JAZF1: variants seen among roughly 807,000 people sequenced by gnomAD.
JAZF1 encodes JAZF zinc finger 1, also known as juxtaposed with another zinc finger protein 1.
Under a neutral mutation model 26.4 loss-of-function variants are expected in JAZF1, and 8 were observed. That is an observed-to-expected ratio of 0.30 (90% confidence interval 0.18 to 0.55). The LOEUF is 0.55. JAZF1 is among the 20% of genes least tolerant of loss of function. JAZF1 has a pLI of 0.94. For missense variants in JAZF1, 199 were observed against 322.0 expected (o/e 0.62, Z 2.92); for synonymous variants, 126 against 122.3 (o/e 1.03, Z -0.20).
intron 2 of JAZF1, among the ~76,000 whole-genome samples, chr7:27,924,186 C>T (rs944852151): frequency 6.6e-6 from 1 of 152,184 alleles, no homozygotes. Context: ...TCAAGCAATT[C>T]TCTGCTTCAG....
chr7:27,900,141 T>C (rs552118047), intron 2 of JAZF1, among the ~76,000 whole-genome samples: 1 of 152,316 alleles, frequency 6.6e-6, no homozygotes, highest in South Asian at 2.1e-4. Flanking sequence ...CCTCCCAGAA[T>C]TCTCTCTGCT....
At position 27,991,896 on chromosome 7, in the gene JAZF1, G is replaced by A; in HGVS notation, c.188+13C>T. The A allele has an allele frequency of 1.3e-6, 2 of 1,484,116 alleles. No individual in the cohort carries two copies. The highest frequency in any genetic ancestry group is 1.4e-5 in the African/African-American group (1 of 71,396). 91.9% of individuals were successfully genotyped at this position (1,484,116 alleles called of 1,614,324 possible). A position where few individuals can be genotyped will look rare whatever the true frequency, so the allele number is the denominator to read the frequency against. On this transcript the variant is annotated intron_variant, in intron 2 of 4. Transcript: ENST00000283928. ...ATATAAGGTTGTTATAATAAATTCT[G>A]AAAATGGCTTACCTATTTATGTAAC...
intron 1 of JAZF1, among the ~76,000 whole-genome samples, chr7:28,179,431 C>A (rs959023706): frequency 2.4e-4 from 37 of 152,234 alleles, no homozygotes; most frequent in African/African-American, 8.7e-4. Flanking sequence ...CCCTCCCCGG[C>A]GTCTCCCGGG....
At chr7:28,059,273 G>A (rs1783762195) in intron 1 of JAZF1, among the ~76,000 whole-genome samples, 1 of 152,120 alleles carries the variant, frequency 6.6e-6, no homozygotes, top group African/African-American at 2.4e-5. Context: ...GTGTTGTGAA[G>A]ATGATTCTTG....
At chr7:28,118,982 CA>C (rs999367051) in intron 1 of JAZF1, among the ~76,000 whole-genome samples, 1 of 152,174 alleles carries the variant, frequency 6.6e-6, no homozygotes, top group Non-Finnish European at 1.5e-5. Context: ...GGGAAGAGAG[CA>C]GGGAGAATCC....
intron 1 of JAZF1, among the ~76,000 whole-genome samples, chr7:28,037,402 C>A (rs554856947): frequency 6.6e-6 from 1 of 152,242 alleles, no homozygotes; most frequent in African/African-American, 2.4e-5. Context: ...GTTTAGCAGG[C>A]CCCATTTTAA....
At chr7:28,110,497 GGAAAGGAAAAGGAAAGGAAAAGGA>G (rs1784631485) in intron 1 of JAZF1, among the ~76,000 whole-genome samples, 1 of 28,628 alleles carries the variant, frequency 3.5e-5, no homozygotes, top group Non-Finnish European at 8.4e-5. Context: ...GGAAAGGAAA[GGAAAGGAAAAGGAAAGGAAAAGGA>G]AAAGGAAAAG....
Position 27,832,660 on chromosome 7 carries a change from A to G in JAZF1, c.*140T>C. ...AACTCTACAAAGATACATCATTCCA[A>G]AATTACAGAAAAAATTTAAAGCATG... On this transcript the variant is annotated 3_prime_UTR_variant, in exon 5 of 5. Transcript: ENST00000283928. 1 of 645,506 alleles carries G rather than the reference A, an allele frequency of 1.5e-6. No homozygotes were observed. The highest frequency in any genetic ancestry group is 2.5e-6 in the Non-Finnish European group (1 of 399,220). The allele number at this position is 645,506 out of a possible 1,614,324, so 40.0% of individuals were successfully genotyped here.
At chr7:27,950,895 C>T (rs1784998132) in intron 2 of JAZF1, among the ~76,000 whole-genome samples, 2 of 151,920 alleles carry the variant, frequency 1.3e-5, no homozygotes, top group Admixed American at 6.6e-5. Flanking sequence ...ACAGATGGCT[C>T]GAACAACCTG....
chr7:27,905,876 A>T (rs2128344005), intron 2 of JAZF1, among the ~76,000 whole-genome samples: 1 of 152,304 alleles, frequency 6.6e-6, no homozygotes, highest in African/African-American at 2.4e-5. Context: ...CATAGGAAAA[A>T]TCTACTTAAA....
In JAZF1 at chr7:28,000,365, C is replaced by T. The variant is rs1053501168; in HGVS notation, c.116-8384G>A. 2.6e-5 allele frequency among the ~76,000 whole-genome samples: 4 copies of T among 152,172 alleles called. No individual in the cohort carries two copies. The East Asian group carries it at 7.7e-4, about 29-fold the overall frequency. On this transcript the variant is annotated intron_variant, in intron 1 of 4. Coordinates refer to ENST00000283928, the MANE Select transcript of JAZF1 (RefSeq NM_175061.4). ...CCCTACATACGCACGCAGAGTAGCG[C>T]CTACAACAAAGAGTCATCTGGTCTA...
chr7:27,880,075 T>C (rs982429784), intron 3 of JAZF1, among the ~76,000 whole-genome samples: 4 of 152,224 alleles, frequency 2.6e-5, no homozygotes. Context: ...CAAGTTTATA[T>C]ATAGCATAAT....
At position 28,160,217 on chromosome 7, in the gene JAZF1, G is replaced by A. The variant is rs80203717; in HGVS notation, c.115+20246C>T. 0.012 allele frequency among the ~76,000 whole-genome samples: 1,869 copies of A among 152,142 alleles called. 121 individuals are homozygous for A. The East Asian group carries it at 0.21, about 17-fold the overall frequency. On this transcript the variant is annotated intron_variant, in intron 1 of 4. Transcript: ENST00000283928. ...AATGTCAAAAAAGGCTCCAGGATAT[G>A]GGGGTACATAGTGAAAAAAGAGTTG... is the stretch of plus-strand genomic sequence containing the variant.
At chr7:27,857,806 G>A (rs564408928) in intron 3 of JAZF1, among the ~76,000 whole-genome samples, 5 of 152,274 alleles carry the variant, frequency 3.3e-5, no homozygotes, top group African/African-American at 1.2e-4. Context: ...GGCAAAAGCT[G>A]GAAGAATTCC....
chr7:28,072,334 T>C (rs1783990716), intron 1 of JAZF1, among the ~76,000 whole-genome samples: 2 of 152,214 alleles, frequency 1.3e-5, no homozygotes, highest in Admixed American at 1.3e-4. Flanking sequence ...CAGCATGTAA[T>C]AAATAATTAA....
intron 1 of JAZF1, among the ~76,000 whole-genome samples, chr7:28,036,829 T>C (rs1783302437): frequency 6.6e-6 from 1 of 152,062 alleles, no homozygotes; most frequent in Non-Finnish European, 1.5e-5. Context: ...TGGTCAGGGA[T>C]GGGGAGAAAC....
In JAZF1 at chr7:28,100,637, C is replaced by A. The variant is rs553400351; in HGVS notation, c.115+79826G>T. Among the ~76,000 whole-genome samples, 56 of 152,228 alleles carry A rather than the reference C, an allele frequency of 3.7e-4. No homozygotes were observed. The Middle Eastern group carries it at 0.01, about 28-fold the overall frequency. On this transcript the variant is annotated intron_variant, in intron 1 of 4. Coordinates refer to ENST00000283928, the MANE Select transcript of JAZF1 (RefSeq NM_175061.4). Reference sequence around the variant, plus strand: ...TACAAAATGGCTCAGTTTAACTTAACCCATCACAGAAGTGCCTTCACATTC... The same window carrying A: ...TACAAAATGGCTCAGTTTAACTTAAACCATCACAGAAGTGCCTTCACATTC...
chr7:27,849,540 G>T (rs374965927), intron 3 of JAZF1, among the ~76,000 whole-genome samples: 1 of 152,232 alleles, frequency 6.6e-6, no homozygotes, highest in Middle Eastern at 3.4e-3. Flanking sequence ...AACCACTGTG[G>T]TGGGAACCTG....
chr7:27,880,227 G>A (rs192599769), intron 3 of JAZF1, among the ~76,000 whole-genome samples: 34 of 152,168 alleles, frequency 2.2e-4, no homozygotes, highest in Non-Finnish European at 4.6e-4. Flanking sequence ...CATTTTTGAC[G>A]ATGCCAAGAA....
Sources: allele counts gnomAD v4.1 joint callset (sites outside exome capture counted in the v4.1 genomes callset), GRCh38; gene constraint gnomAD v4.1.1; transcripts MANE v1.5; gene names NCBI Gene and HGNC (gene_info 2026-07-23, HGNC 2026-07-21).